The following KLF9 variants were observed in gnomAD, a reference collection of about 807,000 sequenced individuals.
KLF9 encodes the protein KLF transcription factor 9.
A neutral mutation model predicts 17.3 loss-of-function variants in KLF9; 2 were observed. The observed-to-expected ratio is 0.12, with a 90% CI of 0.05 to 0.36. KLF9 has a LOEUF of 0.36. Among genes scored for constraint, KLF9 ranks in the 10% least tolerant of loss-of-function variants. KLF9 has a pLI of 1.00. For missense variants in KLF9, 226 were observed against 333.2 expected (o/e 0.68, Z 2.51); for synonymous variants, 138 against 139.2 (o/e 0.99, Z 0.06).
chr9:70,409,058 GTGTATATATA>G (rs1564089172), intron 1 of KLF9, among the ~76,000 whole-genome samples: 2 of 79,658 alleles, frequency 2.5e-5, no homozygotes, highest in East Asian at 5.7e-4. Flanking sequence ...ATACATATAT[GTGTATATATA>G]TGTGTATATA....
intron 1 of KLF9, among the ~76,000 whole-genome samples, chr9:70,396,647 T>A (rs2037183336): frequency 6.6e-6 from 1 of 151,956 alleles, no homozygotes; most frequent in Non-Finnish European, 1.5e-5. Context: ...ATTAAAAAAA[T>A]ATTAAGTAAA....
intron 1 of KLF9, among the ~76,000 whole-genome samples, chr9:70,393,745 A>G (rs2037165494): frequency 6.6e-6 from 1 of 152,236 alleles, no homozygotes; most frequent in African/African-American, 2.4e-5. Flanking sequence ...TTGCAGATGT[A>G]GAAAATCAAG....
At chr9:70,408,235 T>C (rs1010895582) in intron 1 of KLF9, among the ~76,000 whole-genome samples, 5 of 151,878 alleles carry the variant, frequency 3.3e-5, no homozygotes, top group Admixed American at 1.3e-4. Context: ...ATTAGCCGAG[T>C]GTGGTGGCAC....
At chr9:70,409,020 A>ATATATG (rs2037277775) in intron 1 of KLF9, among the ~76,000 whole-genome samples, 1 of 126,236 alleles carries the variant, frequency 7.9e-6, no homozygotes, top group African/African-American at 3.2e-5. Flanking sequence ...ATACACATAT[A>ATATATG]TGTATATATA....
intron 1 of KLF9, among the ~76,000 whole-genome samples, chr9:70,401,708 A>G (rs1437408345): frequency 1.3e-5 from 2 of 150,180 alleles, no homozygotes; most frequent in East Asian, 3.9e-4. Context: ...AAAAAAAAGA[A>G]AAGAAAAGAA....
intron 1 of KLF9, among the ~76,000 whole-genome samples, chr9:70,405,645 T>C (rs1295382243): frequency 1.3e-5 from 2 of 152,082 alleles, no homozygotes; most frequent in African/African-American, 2.4e-5. Flanking sequence ...GATTCCAAAG[T>C]CAATTATACC....
intron 1 of KLF9, among the ~76,000 whole-genome samples, chr9:70,389,221 C>A (rs190244213): frequency 1.8e-4 from 27 of 152,200 alleles, no homozygotes; most frequent in Admixed American, 1.3e-3. Flanking sequence ...ATATGTCTTT[C>A]TTTAATCTCT....
intron 1 of KLF9, among the ~76,000 whole-genome samples, chr9:70,406,288 A>G (rs2037254135): frequency 6.6e-6 from 1 of 152,176 alleles, no homozygotes; most frequent in African/African-American, 2.4e-5. Context: ...GGGAGATTAC[A>G]CAGTATGACC....
Position 70,413,241 on chromosome 9 carries a change from G to A in KLF9, c.123C>T (p.Arg41=). 6.2e-7 allele frequency: 1 copy of A among 1,613,894 alleles called. No homozygotes were observed. Among genetic ancestry groups the A allele is most frequent in the Non-Finnish European group, 8.5e-7 (1 of 1,180,016 alleles). ...PDAERLRLPE[R]EVTKEHGDPG... ...GGTCACCGTGCTCCTTGGTCACCTC[G>A]CGCTCAGGTAGTCGCAGCCGCTCGG... The change falls in exon 1 of 2, where the codon CGC becomes CGT. Residue 41 remains arginine (R), a synonymous_variant. Transcript: ENST00000377126. This position sits in a 1 kb window ranked among gnomAD's most constrained non-coding sequence, Gnocchi z 5.6.
rs1056454 is a variant in KLF9, at chr9:70,387,327, C to T, written c.*449G>A. The T allele has an allele frequency of 8.9e-4, 150 of 168,124 alleles. No individual in the cohort carries two copies. The highest frequency in any genetic ancestry group is 3.5e-3 in the African/African-American group (146 of 41,944). The allele number at this position is 168,124 out of a possible 1,614,324, so 10.4% of individuals were successfully genotyped here. On this transcript the variant is annotated 3_prime_UTR_variant, in exon 2 of 2. Coordinates refer to ENST00000377126, the MANE Select transcript of KLF9 (RefSeq NM_001206.4). ...TGAGAGACAGCAAGCATAAAGGGCC[C>T]AGAATCACTGTGCGAGGCCACAGGT...
chr9:70,405,127 A>C (rs1488758508), intron 1 of KLF9, among the ~76,000 whole-genome samples: 1 of 152,218 alleles, frequency 6.6e-6, no homozygotes, highest in Non-Finnish European at 1.5e-5. Flanking sequence ...CTTTGGGCCA[A>C]GATGATCTGT....
chr9:70,388,704 C>T (rs1318150974), intron 1 of KLF9, among the ~76,000 whole-genome samples: 5 of 152,270 alleles, frequency 3.3e-5, no homozygotes, highest in Admixed American at 2.6e-4. Flanking sequence ...CTACCTGGAA[C>T]GAGCATTTCT....
chr9:70,392,434 C>A (rs969499339), intron 1 of KLF9, among the ~76,000 whole-genome samples: 1 of 152,142 alleles, frequency 6.6e-6, no homozygotes, highest in African/African-American at 2.4e-5. Context: ...GCTTAGGGAC[C>A]TACAATTTGT....
intron 1 of KLF9, among the ~76,000 whole-genome samples, chr9:70,406,957 CT>C (rs560637705): frequency 6.9e-3 from 952 of 137,422 alleles, no homozygotes; most frequent in South Asian, 0.019. Flanking sequence ...TGCGACAAAG[CT>C]TTTTTTTTTT....
At chr9:70,402,795 C>T (rs1270373797) in intron 1 of KLF9, among the ~76,000 whole-genome samples, 1 of 152,148 alleles carries the variant, frequency 6.6e-6, no homozygotes, top group Admixed American at 6.5e-5. Flanking sequence ...AAAAAAATAT[C>T]GTACTGTTTG....
At chr9:70,410,174 AG>A (rs2037299375) in intron 1 of KLF9, among the ~76,000 whole-genome samples, 1 of 152,264 alleles carries the variant, frequency 6.6e-6, no homozygotes, top group Non-Finnish European at 1.5e-5. Context: ...AATTGTTGCT[AG>A]GCAAGAATTC....
rs544206556 is a variant in KLF9, at chr9:70,407,589, C to T, written c.505+5270G>A. Among the ~76,000 whole-genome samples the T allele has an allele frequency of 9.2e-5, 14 of 152,292 alleles. No homozygotes were observed. The South Asian group carries it at 2.9e-3, about 32-fold the overall frequency. ...GGCCCCCCGACTGTCTTTGCTAGGG[C>T]AGATAGATGGAGGATGACACAGGAC... On this transcript the variant is annotated intron_variant, in intron 1 of 1. Coordinates refer to ENST00000377126, the MANE Select transcript of KLF9 (RefSeq NM_001206.4).
chr9:70,411,771 C>G (rs925722362), intron 1 of KLF9, among the ~76,000 whole-genome samples: 6 of 152,084 alleles, frequency 3.9e-5, no homozygotes, highest in African/African-American at 1.4e-4. Flanking sequence ...CAACTAACTC[C>G]AACAATACCC....
At chr9:70,412,772 A>C in intron 1 of KLF9, 87 bp downstream of exon 1, 2 of 1,258,286 alleles carry the variant, frequency 1.6e-6, no homozygotes, top group African/African-American at 1.5e-5. Flanking sequence ...CTTTCGGCCG[A>C]GTGCAGTGTC....
Sources: allele counts gnomAD v4.1 joint callset (sites outside exome capture counted in the v4.1 genomes callset), GRCh38; gene constraint gnomAD v4.1.1; non-coding constraint Gnocchi (gnomAD v3.1); transcripts MANE v1.5; gene names NCBI Gene and HGNC (gene_info 2026-07-23, HGNC 2026-07-21).